Variants in ATAD1 observed in about 807,000 individuals in gnomAD.
ATAD1 encodes the protein outer mitochondrial transmembrane helix translocase.
ATAD1 carries 18 observed loss-of-function variants against 42.7 expected under a neutral mutation model. That is an observed-to-expected ratio of 0.42 (90% CI 0.29 to 0.63). The LOEUF is 0.63. ATAD1 is among the 20% of genes least tolerant of loss of function. The pLI is 0.19. For missense variants in ATAD1, 294 were observed against 440.4 expected, an observed-to-expected ratio of 0.67 and a Z score of 2.98; for synonymous variants, 132 against 143.1, an observed-to-expected ratio of 0.92 and a Z score of 0.55.
chr10:87,818,004 T>A, intron 1 of ATAD1, 163 bp downstream of exon 1: 9 of 985,618 alleles, frequency 9.1e-6, no homozygotes, highest in Non-Finnish European at 1.1e-5. Context: ...ATCCTCTAGA[T>A]ACTAAGGGCT....
chr10:87,771,438 A>C (rs988155103), intron 6 of ATAD1, among the ~76,000 whole-genome samples: 4 of 152,164 alleles, frequency 2.6e-5, no homozygotes, highest in African/African-American at 7.2e-5. Flanking sequence ...GTTTGGGAGT[A>C]TAAGGGGATA....
chr10:87,770,248 C>T (rs976703950), intron 7 of ATAD1, among the ~76,000 whole-genome samples: 3 of 152,136 alleles, frequency 2.0e-5, no homozygotes, highest in African/African-American at 7.2e-5. Context: ...AATGGCAACA[C>T]ATGTAACATG....
At chr10:87,824,146 A>C (rs1857682522) in intron 1 of ATAD1, among the ~76,000 whole-genome samples, 1 of 152,152 alleles carries the variant, frequency 6.6e-6, no homozygotes, top group Admixed American at 6.5e-5. Context: ...GAGAGGCTTA[A>C]CAAGATTTAA....
intron 1 of ATAD1, among the ~76,000 whole-genome samples, chr10:87,816,319 G>T (rs1015291966): frequency 1.3e-5 from 2 of 152,016 alleles, no homozygotes; most frequent in African/African-American, 2.4e-5. Flanking sequence ...TTTCCAAAAG[G>T]TTCCACATTT....
upstream of ATAD1, chr10:87,818,894 C>T (rs1857557113): frequency 6.6e-6 from 1 of 152,260 alleles, no homozygotes; most frequent in African/African-American, 2.4e-5. Flanking sequence ...ACCCCTTTTC[C>T]TTTCCAGAAC....
At chr10:87,790,245 T>C in intron 4 of ATAD1, 65 bp downstream of exon 4, 1 of 1,567,798 alleles carries the variant, frequency 6.4e-7, no homozygotes, top group South Asian at 1.2e-5. Context: ...AGTTCTACAA[T>C]GGCAGAAAGT....
intron 3 of ATAD1, 25 bp downstream of exon 3, chr10:87,792,630 ATC>A: frequency 3.4e-5 from 51 of 1,493,228 alleles, no homozygotes; most frequent in Non-Finnish European, 4.4e-5. Context: ...CTCTAAAAAA[ATC>A]TTAAATAAGA....
At chr10:87,828,800 A>G (rs745487841) in intron 1 of ATAD1, among the ~76,000 whole-genome samples, 2 of 152,218 alleles carry the variant, frequency 1.3e-5, no homozygotes, top group East Asian at 3.8e-4. Context: ...ACCAATGCTC[A>G]TTGGTCATTC....
chr10:87,792,753 T>C lies in ATAD1; in HGVS notation c.165A>G (p.Ala55=). 6.2e-7 allele frequency: 1 copy of C among 1,612,610 alleles called. No homozygotes were observed. Among genetic ancestry groups the C allele is most frequent in the Non-Finnish European group, 8.5e-7 (1 of 1,178,740 alleles). ...CTCCAATTTGCTTCATTAGTTTTTCTGCCTAGAATGAAAAGAACAAACAAC... is the reference window on the plus strand; with the variant it reads ...CTCCAATTTGCTTCATTAGTTTTTCCGCCTAGAATGAAAAGAACAAACAAC... ...RKQKVEAQKQ[A]EKLMKQIGVK... The change falls in exon 3 of 10, where the codon GCA becomes GCG. Residue 55 remains alanine, a splice_region_variant and synonymous_variant. Coordinates refer to ENST00000680024, the MANE Select transcript of ATAD1 (RefSeq NM_001321967.2).
rs148290437 is a variant in ATAD1 at position 87,792,143 on chromosome 10, T to C, written c.261+514A>G. ...TTGCAAGATTGGCCCTTGGCTGGCA[T>C]GTGGGAACTTAGATTTCAGAAGAGT... On this transcript the variant is annotated intron_variant, in intron 3 of 9. Coordinates refer to ENST00000680024, the MANE Select transcript of ATAD1 (RefSeq NM_001321967.2). Among the ~76,000 whole-genome samples the C allele has an allele frequency of 5.6e-3, 848 of 152,378 alleles. 10 individuals are homozygous for C. Among genetic ancestry groups the C allele is most frequent in the African/African-American group, 0.019 (798 of 41,594 alleles).
intron 4 of ATAD1, among the ~76,000 whole-genome samples, chr10:87,789,365 T>G (rs1855984303): frequency 6.6e-6 from 1 of 152,152 alleles, no homozygotes; most frequent in South Asian, 2.1e-4. Flanking sequence ...CACATATATC[T>G]CTCACTGTAA....
chr10:87,754,807 G>A lies in ATAD1; in HGVS notation c.966C>T (p.Ser322=). ...REYVNSTSEE[S]HDEDEIRPVQ... is the part of the protein sequence containing the mutation. ...CAGGCCGAATTTCATCTTCGTCATG[G>A]CTAAAATGCAAACAAAACCATCAAA... Residue 322 remains serine, a splice_region_variant and synonymous_variant, in exon 10 of 10, where the codon AGC becomes AGT. Transcript: ENST00000680024. The A allele has an allele frequency of 6.2e-7, 1 of 1,610,888 alleles. No individual in the cohort carries two copies. The highest frequency in any genetic ancestry group is 8.5e-7 in the Non-Finnish European group (1 of 1,177,984).
chr10:87,787,303 G>T (rs946411265), intron 4 of ATAD1, among the ~76,000 whole-genome samples: 1 of 152,122 alleles, frequency 6.6e-6, no homozygotes, highest in Non-Finnish European at 1.5e-5. Context: ...GCTTTACTTA[G>T]TAAGTGCTAT....
intron 2 of ATAD1, among the ~76,000 whole-genome samples, chr10:87,810,800 T>G (rs1354925970): frequency 1.3e-5 from 2 of 152,226 alleles, no homozygotes; most frequent in Non-Finnish European, 2.9e-5. Flanking sequence ...TTATCTTTAG[T>G]TGAAATACTA....
chr10:87,767,071 AAAAC>A (rs1854787647), intron 8 of ATAD1, among the ~76,000 whole-genome samples: 1 of 152,238 alleles, frequency 6.6e-6, no homozygotes. Context: ...CTTCTGTAGA[AAAAC>A]AAATGTATCT....
intron 5 of ATAD1, among the ~76,000 whole-genome samples, chr10:87,780,857 GA>G (rs1175598048): frequency 6.6e-6 from 1 of 152,074 alleles, no homozygotes. Flanking sequence ...GTGTAGACAA[GA>G]AAAAAAATTT....
At chr10:87,757,089 A>G (rs1250178507) in intron 8 of ATAD1, among the ~76,000 whole-genome samples, 167 bp from the exon 9 acceptor site, 1 of 152,164 alleles carries the variant, frequency 6.6e-6, no homozygotes, top group Non-Finnish European at 1.5e-5. Flanking sequence ...AATTTGAAAT[A>G]TAATTTTCAT....
At chr10:87,805,822 C>G (rs900819782) in intron 2 of ATAD1, among the ~76,000 whole-genome samples, 6 of 151,808 alleles carry the variant, frequency 4.0e-5, no homozygotes, top group African/African-American at 1.5e-4. Context: ...TCTTTTACCT[C>G]AAATTATACT....
At chr10:87,825,387 G>A (rs934017135) in intron 1 of ATAD1, among the ~76,000 whole-genome samples, 5 of 140,588 alleles carry the variant, frequency 3.6e-5, no homozygotes, top group South Asian at 2.3e-4. Flanking sequence ...TCGGCTCACC[G>A]CAACCTCCAC....
Sources: gnomAD v4.1 joint callset for allele counts (sites outside exome capture counted in the v4.1 genomes callset) on GRCh38, gnomAD v4.1.1 for gene constraint, MANE v1.5 for transcripts, NCBI Gene and HGNC (gene_info 2026-07-23, HGNC 2026-07-21) for gene names.